Variants in C6orf89 observed in about 807,000 individuals in gnomAD.
C6orf89 encodes the protein bombesin receptor-activated protein C6orf89.
Under a neutral mutation model 40.7 loss-of-function variants are expected in C6orf89, and 29 were observed. The ratio of observed to expected loss-of-function variants is 0.71; its 90% CI spans 0.53 to 0.97. C6orf89 has a LOEUF of 0.97. C6orf89 is among the 50% of genes least tolerant of loss of function. C6orf89 has a pLI of 0.00. For synonymous variants in C6orf89, 165 were observed against 152.2 expected (o/e 1.08, Z -0.62); for missense variants, 392 against 429.1 (o/e 0.91, Z 0.76).
rs1762447088 is a variant in C6orf89 at position 36,919,671 on chromosome 6, G to A, written c.919G>A (p.Val307Met). The change falls in exon 8 of 9, where the codon GTG becomes ATG. Residue 307 changes from valine (V) to methionine (M), a missense_variant. By Grantham distance (21) the Val-to-Met change is conservative (BLOSUM62 1). Transcript: ENST00000480824. ...PFQCRRHCQS[V>M]AMPIEPGDIG... ...CCAGTGCCGAAGACATTGTCAGTCT[G>A]TGGCCATGCCAATAGAGCCAGGGGA... 2 of 1,614,064 alleles carry A rather than the reference G, an allele frequency of 1.2e-6. No homozygotes were observed. Among genetic ancestry groups the A allele is most frequent in the Non-Finnish European group, 1.7e-6 (2 of 1,179,942 alleles).
upstream of C6orf89, chr6:36,883,347 C>T (rs1031580203): frequency 1.3e-5 from 2 of 152,102 alleles, no homozygotes; most frequent in Non-Finnish European, 2.9e-5. Context: ...CATTGGAACC[C>T]TTAAGGTAAA....
intron 1 of C6orf89, among the ~76,000 whole-genome samples, chr6:36,893,044 C>T (rs141511445): frequency 0.09 from 13,644 of 152,096 alleles, 763 homozygotes; most frequent in Admixed American, 0.13. Flanking sequence ...ACGCCATTCT[C>T]CTGCCTCAGC....
chr6:36,896,108 C>A (rs1150784), intron 2 of C6orf89, among the ~76,000 whole-genome samples: 89,680 of 151,942 alleles, frequency 0.59, 27,242 homozygotes, highest in African/African-American at 0.72. Context: ...TTTATTGGTC[C>A]TTTGTATATC....
chr6:36,923,063 G>A (rs1762564094), intron 8 of C6orf89, among the ~76,000 whole-genome samples: 1 of 152,166 alleles, frequency 6.6e-6, no homozygotes, highest in African/African-American at 2.4e-5. Flanking sequence ...AGGTGTAGTG[G>A]CCCACACCTG....
chr6:36,906,377 T>A (rs1343584112), intron 4 of C6orf89, among the ~76,000 whole-genome samples: 1 of 152,244 alleles, frequency 6.6e-6, no homozygotes, highest in African/African-American at 2.4e-5. Context: ...GCAGTTTATT[T>A]CTCAGTCTTC....
chr6:36,883,113 G>A (rs1774870705), upstream of C6orf89: 1 of 152,216 alleles, frequency 6.6e-6, no homozygotes, highest in South Asian at 2.1e-4. Flanking sequence ...TGTTATAACA[G>A]TAGATTATAG....
chr6:36,873,823 G>A (rs1243865343), intron 1 of C6orf89, among the ~76,000 whole-genome samples: 4 of 152,152 alleles, frequency 2.6e-5, no homozygotes, highest in Non-Finnish European at 5.9e-5. Context: ...GCTGTTGAGG[G>A]GAGAATGGCA....
At chr6:36,920,379 G>A (rs1286772800) in intron 8 of C6orf89, among the ~76,000 whole-genome samples, 1 of 152,194 alleles carries the variant, frequency 6.6e-6, no homozygotes, top group African/African-American at 2.4e-5. Context: ...TGACAGCCGA[G>A]TTTTCTTGGA....
chr6:36,902,527 C>A, intron 4 of C6orf89, 93 bp downstream of exon 4: 1 of 1,091,208 alleles, frequency 9.2e-7, no homozygotes, highest in Non-Finnish European at 1.3e-6. Flanking sequence ...TAATGAGAGG[C>A]AAGCTCCCTA....
At chr6:36,898,329 G>A (rs1347937256) in intron 2 of C6orf89, among the ~76,000 whole-genome samples, 1 of 150,776 alleles carries the variant, frequency 6.6e-6, no homozygotes, top group African/African-American at 2.5e-5. Flanking sequence ...GCCCAGGCTG[G>A]AGTGCAATGG....
chr6:36,886,147 G>A (rs767813689), intron 1 of C6orf89, 119 bp downstream of exon 1: 83 of 930,890 alleles, frequency 8.9e-5, no homozygotes, highest in Non-Finnish European at 1.1e-4. Context: ...CTCTATCCCA[G>A]CGCGGATCCC....
Position 36,910,726 on chromosome 6 carries a change from C to CT in C6orf89, c.404-3557dup, listed in dbSNP as rs558234446. ...TGGGCGACAGAGCAAGACCCTGTCT[C>CT]TAAAAAAAAAAAAAAGGCTGGTCTC... On this transcript the variant is annotated intron_variant, in intron 4 of 8. Transcript: ENST00000480824. 4.2e-3 allele frequency among the ~76,000 whole-genome samples: 606 copies of CT among 145,574 alleles called. 6 individuals carry two copies. Among genetic ancestry groups the CT allele is most frequent in the African/African-American group, 0.014 (573 of 39,532 alleles).
intron 2 of C6orf89, among the ~76,000 whole-genome samples, chr6:36,879,318 T>C (rs1774739880): frequency 6.6e-6 from 1 of 152,210 alleles, no homozygotes; most frequent in Non-Finnish European, 1.5e-5. Context: ...GCAGAGTGGC[T>C]AATGTCTGTG....
chr6:36,900,600 G>C (rs576157390), intron 3 of C6orf89, among the ~76,000 whole-genome samples: 81 of 146,762 alleles, frequency 5.5e-4, no homozygotes, highest in Non-Finnish European at 1.1e-3. Context: ...CCCAGACTCA[G>C]GTGATCCTCC....
At chr6:36,899,673 A>G (rs962233952) in intron 3 of C6orf89, 40 bp downstream of exon 3, 2 of 1,573,342 alleles carry the variant, frequency 1.3e-6, no homozygotes, top group Admixed American at 1.7e-5. Flanking sequence ...TCAACAGAAC[A>G]CAAACTGTTC....
At chr6:36,908,620 CAT>C (rs1449101418) in intron 4 of C6orf89, among the ~76,000 whole-genome samples, 1 of 152,132 alleles carries the variant, frequency 6.6e-6, no homozygotes, top group Non-Finnish European at 1.5e-5. Flanking sequence ...TGTTCACACA[CAT>C]ACAAAAGATC....
At chr6:36,905,708 A>G (rs1761902218) in intron 4 of C6orf89, among the ~76,000 whole-genome samples, 1 of 152,068 alleles carries the variant, frequency 6.6e-6, no homozygotes, top group Non-Finnish European at 1.5e-5. Flanking sequence ...CTGGCTTCAT[A>G]TCTTTATAGT....
intron 1 of C6orf89, chr6:36,874,582 G>T (rs1031506611): frequency 2.5e-6 from 3 of 1,202,022 alleles, no homozygotes; most frequent in Non-Finnish European, 3.6e-6. Context: ...CCCTCTGGGG[G>T]CCGTCTCGGC....
At chr6:36,913,749 G>A (rs569018943) in intron 4 of C6orf89, among the ~76,000 whole-genome samples, 1 of 152,154 alleles carries the variant, frequency 6.6e-6, no homozygotes, top group South Asian at 2.1e-4. Flanking sequence ...GTGTAAAAAG[G>A]TATACAGAGA....
Sources: allele counts gnomAD v4.1 joint callset (sites outside exome capture counted in the v4.1 genomes callset), GRCh38; gene constraint gnomAD v4.1.1; transcripts MANE v1.5; gene names NCBI Gene and HGNC (gene_info 2026-07-23, HGNC 2026-07-21).